PSD3: variants seen among roughly 807,000 people sequenced by gnomAD.
The protein encoded by PSD3 is PH and SEC7 domain-containing protein 3.
In PSD3, 49 loss-of-function variants were observed where a neutral mutation model predicts 105.5. That is an observed-to-expected ratio of 0.46 (90% CI 0.37 to 0.59). The LOEUF (loss-of-function observed/expected upper bound fraction) is 0.59. Among genes scored for constraint, PSD3 ranks in the 20% least tolerant of loss-of-function variants. PSD3 has a pLI of 0.00. For synonymous variants in PSD3, 557 were observed against 457.8 expected (o/e 1.22, Z -2.77); for missense variants, 1,561 against 1,263.8 (o/e 1.24, Z -3.57).
At chr8:18,747,730 C>A (rs1392586396) in intron 9 of PSD3, among the ~76,000 whole-genome samples, 1 of 151,784 alleles carries the variant, frequency 6.6e-6, no homozygotes, top group Non-Finnish European at 1.5e-5. Context: ...CAATTAACTA[C>A]TATATGAATT....
intron 11 of PSD3, among the ~76,000 whole-genome samples, chr8:18,611,013 T>G (rs1805224087): frequency 6.6e-6 from 1 of 152,158 alleles, no homozygotes; most frequent in Non-Finnish European, 1.5e-5. Flanking sequence ...CATAAGATTA[T>G]TAGGACACAT....
At chr8:19,041,529 C>G (rs1828122998) in intron 1 of PSD3, among the ~76,000 whole-genome samples, 1 of 152,206 alleles carries the variant, frequency 6.6e-6, no homozygotes, top group Admixed American at 6.5e-5. Context: ...AAATTCAGTG[C>G]AAATAGTGCA....
chr8:18,927,275 G>A (rs138341879), intron 2 of PSD3, among the ~76,000 whole-genome samples: 21 of 152,110 alleles, frequency 1.4e-4, no homozygotes, highest in Non-Finnish European at 2.2e-4. Context: ...GTGCAAGGGC[G>A]CAACCTTGGC....
At chr8:18,566,468 G>A (rs575282781) in intron 14 of PSD3, among the ~76,000 whole-genome samples, 1 of 150,334 alleles carries the variant, frequency 6.7e-6, no homozygotes, top group South Asian at 2.1e-4. Context: ...GGGGATTGCA[G>A]TGAGCCGAGA....
Position 18,936,099 on chromosome 8 carries a change from T to C in PSD3, c.65A>G (p.Gln22Arg). ...VWVNNASAHS[Q>R]SVAKAKYEFL... ...TTCATATTTGGCCTTGGCAACACTCTGGGAATGTGCAGATGCATTGTTCAC... is the reference window on the plus strand; with the variant it reads ...TTCATATTTGGCCTTGGCAACACTCCGGGAATGTGCAGATGCATTGTTCAC... Residue 22 changes from glutamine (Q) to arginine (R), a missense_variant, in exon 2 of 16, where the codon CAG becomes CGG. Coordinates refer to ENST00000327040, the MANE Select transcript of PSD3 (RefSeq NM_015310.4). 1.2e-6 allele frequency: 2 copies of C among 1,613,418 alleles called. No homozygotes were observed. The highest frequency in any genetic ancestry group is 1.7e-6 in the Non-Finnish European group (2 of 1,179,886).
intron 11 of PSD3, among the ~76,000 whole-genome samples, chr8:18,617,742 A>AGCACTAACACTAAAATGGAGATCCCG (rs1181209471): frequency 6.6e-5 from 10 of 152,132 alleles, no homozygotes; most frequent in Non-Finnish European, 1.0e-4. Flanking sequence ...ACAACTGACC[A>AGCACTAACACTAAAATGGAGATCCCG]GCACTAACAC....
chr8:18,694,610 CGA>C (rs1801159821), intron 9 of PSD3, among the ~76,000 whole-genome samples: 2 of 27,788 alleles, frequency 7.2e-5, no homozygotes, highest in Admixed American at 4.1e-4. Flanking sequence ...ACTGCATCTC[CGA>C]AAAAAAAAAA....
At chr8:18,927,710 G>C (rs1214144657) in intron 2 of PSD3, among the ~76,000 whole-genome samples, 1 of 152,226 alleles carries the variant, frequency 6.6e-6, no homozygotes, top group East Asian at 1.9e-4. Context: ...CTCCAATCCC[G>C]CTGTGTCCTT....
chr8:18,811,585 T>C (rs528199433), intron 4 of PSD3, among the ~76,000 whole-genome samples: 13 of 152,298 alleles, frequency 8.5e-5, no homozygotes, highest in Non-Finnish European at 1.5e-4. Context: ...TGGAAACATT[T>C]TTCTACGAAG....
intron 12 of PSD3, among the ~76,000 whole-genome samples, chr8:18,595,430 T>C (rs999242520): frequency 2.6e-5 from 3 of 114,942 alleles, no homozygotes; most frequent in African/African-American, 9.0e-5. Flanking sequence ...GGAGTGTGGT[T>C]GAATGTATTG....
intron 12 of PSD3, among the ~76,000 whole-genome samples, chr8:18,595,667 A>G (rs1432445803): frequency 6.6e-6 from 1 of 152,104 alleles, no homozygotes; most frequent in African/African-American, 2.4e-5. Flanking sequence ...AAAACTGTCA[A>G]GAGAGAAAGA....
intron 2 of PSD3, 106 bp downstream of exon 2, chr8:18,935,928 G>C (rs1822095812): frequency 1.5e-6 from 1 of 654,404 alleles, no homozygotes; most frequent in South Asian, 2.4e-5. Flanking sequence ...AGGGAAAGCA[G>C]GTTTCACAGA....
At chr8:18,826,558 C>T (rs963584929) in intron 4 of PSD3, among the ~76,000 whole-genome samples, 5 of 152,122 alleles carry the variant, frequency 3.3e-5, no homozygotes, top group African/African-American at 1.2e-4. Context: ...GTATCTTTCC[C>T]TTGGGAATAT....
intron 9 of PSD3, among the ~76,000 whole-genome samples, chr8:18,713,473 T>G (rs1032487352): frequency 6.6e-6 from 1 of 152,062 alleles, no homozygotes; most frequent in Non-Finnish European, 1.5e-5. Flanking sequence ...TGATAAGCAT[T>G]CCTATACACC....
chr8:18,707,761 A>G (rs1391906087), intron 9 of PSD3, among the ~76,000 whole-genome samples: 1 of 152,218 alleles, frequency 6.6e-6, no homozygotes, highest in African/African-American at 2.4e-5. Flanking sequence ...AGAAATTCTT[A>G]TACTTCTTCC....
chr8:18,894,557 C>T (rs960694904), intron 2 of PSD3, among the ~76,000 whole-genome samples: 1 of 152,142 alleles, frequency 6.6e-6, no homozygotes, highest in Non-Finnish European at 1.5e-5. Flanking sequence ...TCAGCCAGAA[C>T]AGACATCTGA....
chr8:18,804,883 T>G lies in PSD3; in HGVS notation c.1650A>C (p.Lys550Asn). Reference sequence around the variant, plus strand: ...CAGAATGAGCTTCTAGCCGTGTTGTTTTCACCCCAGCATTGCTATGATAAT... The same window carrying G: ...CAGAATGAGCTTCTAGCCGTGTTGTGTTCACCCCAGCATTGCTATGATAAT... ...IAFWGSNAGV[K>N]TTRLEAHSEM... The change falls in exon 5 of 16, where the codon AAA (lysine) becomes AAC (asparagine). Residue 550 changes from lysine (K) to asparagine (N), a missense_variant. Coordinates refer to ENST00000327040, the MANE Select transcript of PSD3 (RefSeq NM_015310.4). 6.2e-7 allele frequency: 1 copy of G among 1,610,642 alleles called. No homozygotes were observed. The highest frequency in any genetic ancestry group is 1.1e-5 in the South Asian group (1 of 90,788).
intron 10 of PSD3, among the ~76,000 whole-genome samples, chr8:18,653,447 G>C (rs1166479533): frequency 1.3e-5 from 2 of 152,090 alleles, no homozygotes; most frequent in Non-Finnish European, 2.9e-5. Flanking sequence ...TATGTTCAGT[G>C]TTTTCAAACA....
At chr8:19,009,502 G>A (rs1033095646) in intron 1 of PSD3, among the ~76,000 whole-genome samples, 2 of 152,110 alleles carry the variant, frequency 1.3e-5, no homozygotes, top group African/African-American at 4.8e-5. Context: ...GGGGAATAAG[G>A]GAGACAACCC....
Sources: gnomAD v4.1 joint callset for allele counts (sites outside exome capture counted in the v4.1 genomes callset) on GRCh38, gnomAD v4.1.1 for gene constraint, MANE v1.5 for transcripts, NCBI Gene and HGNC (gene_info 2026-07-23, HGNC 2026-07-21) for gene names.